SERPING1: variants seen among roughly 807,000 people sequenced by gnomAD.
The protein encoded by SERPING1 is serpin family G member 1.
SERPING1 carries 5 observed loss-of-function variants against 34.1 expected under a neutral mutation model. The ratio of observed to expected loss-of-function variants is 0.15; its 90% CI spans 0.08 to 0.31. The LOEUF is 0.31. SERPING1 is among the 10% of genes least tolerant of loss of function. SERPING1 has a pLI of 1.00. For synonymous variants in SERPING1, 225 were observed against 242.4 expected (o/e 0.93, Z 0.67); for missense variants, 505 against 609.5 (o/e 0.83, Z 1.81).
chr11:57,606,830 T>C, intron 6 of SERPING1: 2 of 639,362 alleles, frequency 3.1e-6, no homozygotes, highest in Non-Finnish European at 5.8e-6. Context: ...ACACATCTGT[T>C]TCTTTTTCCA....
chr11:57,611,604 C>T, intron 6 of SERPING1, 113 bp from the exon 7 acceptor site: 1 of 1,029,648 alleles, frequency 9.7e-7, no homozygotes, highest in Admixed American at 1.7e-5. Context: ...CTGACTGATG[C>T]TTGTTGAAAT....
At chr11:57,608,725 C>A (rs1945440807) in intron 6 of SERPING1, among the ~76,000 whole-genome samples, 1 of 151,464 alleles carries the variant, frequency 6.6e-6, no homozygotes, top group Non-Finnish European at 1.5e-5. Context: ...GTTGGCCAGG[C>A]TGGTCATGAA....
At chr11:57,614,195 A>G (rs913392668) in intron 7 of SERPING1, 133 bp from the exon 8 acceptor site, 1 of 1,165,962 alleles carries the variant, frequency 8.6e-7, no homozygotes, top group South Asian at 1.2e-5. Flanking sequence ...TACAGTATGT[A>G]ATCTGGCAAA....
In SERPING1 at chr11:57,614,699, TC is replaced by T; in HGVS notation, c.*120del. ...CACCTCCTGCCTCAGGTGTCCGCTA[TC>T]CACCAAAAGGGCTCCCTGAGGGTCT... On this transcript the variant is annotated 3_prime_UTR_variant, in exon 8 of 8. Transcript: ENST00000278407. 7.9e-7 allele frequency: 1 copy of T among 1,270,300 alleles called. No homozygotes were observed. The highest frequency in any genetic ancestry group is 1.4e-5 in the South Asian group (1 of 73,760). 78.7% of individuals were successfully genotyped at this position (1,270,300 alleles called of 1,614,324 possible).
intron 6 of SERPING1, among the ~76,000 whole-genome samples, chr11:57,610,726 C>T (rs1430367675): frequency 6.6e-6 from 1 of 152,190 alleles, no homozygotes; most frequent in African/African-American, 2.4e-5. Flanking sequence ...AATTTAGCAT[C>T]TTCCTTAGCT....
chr11:57,602,276 AG>A, intron 4 of SERPING1, 107 bp downstream of exon 4: 3 of 1,344,114 alleles, frequency 2.2e-6, no homozygotes, highest in South Asian at 2.4e-5. Context: ...TTGGAGCTAC[AG>A]TATCAGGGAT....
chr11:57,600,560 G>A (rs935224934), intron 3 of SERPING1, among the ~76,000 whole-genome samples, 183 bp downstream of exon 3: 5 of 152,182 alleles, frequency 3.3e-5, no homozygotes, highest in African/African-American at 1.2e-4. Context: ...TCACAGTGAT[G>A]TAATAGGCAC....
intron 7 of SERPING1, among the ~76,000 whole-genome samples, chr11:57,613,673 T>C (rs1030451479): frequency 2.0e-5 from 3 of 152,166 alleles, no homozygotes; most frequent in African/African-American, 7.2e-5. Flanking sequence ...CCCTGTACTT[T>C]AGGAGAAGTC....
chr11:57,599,713 T>C, intron 2 of SERPING1, 166 bp from the exon 3 acceptor site: 1 of 896,406 alleles, frequency 1.1e-6, no homozygotes, highest in South Asian at 1.5e-5. Context: ...TCTGAGGAAT[T>C]AGTGGTGGTG....
At chr11:57,610,042 G>T (rs985269241) in intron 6 of SERPING1, among the ~76,000 whole-genome samples, 19 of 152,188 alleles carry the variant, frequency 1.2e-4, no homozygotes, top group Non-Finnish European at 2.9e-5. Flanking sequence ...TAAATTTGAA[G>T]GGTGAATTAA....
Position 57,598,259 on chromosome 11 carries a change from G to A in SERPING1, c.-12G>A. On this transcript the variant is annotated 5_prime_UTR_variant, in exon 2 of 8. Transcript: ENST00000278407. ...TGGCTGGCTCCGCAGGTCCGCTGACGTCGCCGCCCAGATGGCCTCCAGGCT... is the reference window on the plus strand; with the variant it reads ...TGGCTGGCTCCGCAGGTCCGCTGACATCGCCGCCCAGATGGCCTCCAGGCT... The A allele has an allele frequency of 1.3e-6, 2 of 1,548,406 alleles. No homozygotes were observed.
chr11:57,602,394 T>C (rs1233189114), intron 4 of SERPING1, among the ~76,000 whole-genome samples: 3 of 152,222 alleles, frequency 2.0e-5, no homozygotes, highest in Non-Finnish European at 4.4e-5. Flanking sequence ...CATCAACTGC[T>C]TTAGAATAAA....
At chr11:57,603,537 ACT>A (rs1259813113) in intron 4 of SERPING1, among the ~76,000 whole-genome samples, 3 of 147,824 alleles carry the variant, frequency 2.0e-5, no homozygotes, top group South Asian at 2.1e-4. Flanking sequence ...ACAGAGCAAG[ACT>A]CTGTCTCAAA....
At position 57,598,352 on chromosome 11, in the gene SERPING1, G is replaced by C. The variant is rs780903287; in HGVS notation, c.51+31G>C. ...TGGTCCCTTGTGGGATGGGGGACGG[G>C]GGTGGAGACGGGAGGCGGGATGGTG... On this transcript the variant is annotated intron_variant, in intron 2 of 7. Transcript: ENST00000278407. 28 of 1,544,956 alleles carry C rather than the reference G, an allele frequency of 1.8e-5. No individual in the cohort carries two copies. In the South Asian group the frequency reaches 3.3e-4, roughly 18 times the overall value.
intron 1 of SERPING1, 100 bp from the exon 2 acceptor site, chr11:57,598,149 G>C (rs745938839): frequency 2.4e-6 from 2 of 850,022 alleles, no homozygotes; most frequent in Non-Finnish European, 3.7e-6. Context: ...TCGCTAAGAG[G>C]GACTGGGGCC....
chr11:57,601,034 A>T (rs1163906600), intron 3 of SERPING1, among the ~76,000 whole-genome samples: 1 of 152,020 alleles, frequency 6.6e-6, no homozygotes, highest in South Asian at 2.1e-4. Flanking sequence ...TGGGCAGATC[A>T]CTTTAACCTC....
chr11:57,601,491 T>C (rs1208256083), intron 3 of SERPING1, among the ~76,000 whole-genome samples: 2 of 151,422 alleles, frequency 1.3e-5, no homozygotes, highest in East Asian at 3.9e-4. Flanking sequence ...TACTGTCAAG[T>C]CCCATTTGGT....
rs751621261 is a variant in SERPING1, at chr11:57,599,913, C to G, written c.86C>G (p.Ser29Cys). Residue 29 changes from serine to cysteine, a missense_variant, in exon 3 of 8, where the codon TCC (serine) becomes TGC (cysteine). Ser to Cys is a moderately radical substitution (Grantham distance 112, BLOSUM62 -1). Coordinates refer to ENST00000278407, the MANE Select transcript of SERPING1 (RefSeq NM_000062.3). Reference protein sequence around the residue: ...RASSNPNATSSSSQDPESLQD... With the variant: ...RASSNPNATSCSSQDPESLQD... ...TCCTCAAATCCAAATGCTACCAGCT[C>G]CAGCTCCCAGGATCCAGAGAGTTTG... is the stretch of plus-strand genomic sequence containing the variant. 1.9e-6 allele frequency: 3 copies of G among 1,614,170 alleles called. No homozygotes were observed. Among genetic ancestry groups the G allele is most frequent in the Non-Finnish European group, 2.5e-6 (3 of 1,180,034 alleles).
intron 6 of SERPING1, 154 bp downstream of exon 6, chr11:57,606,701 C>T (rs1207012808): frequency 2.3e-6 from 2 of 875,718 alleles, no homozygotes; most frequent in East Asian, 4.9e-5. Flanking sequence ...TCTCCTTCTC[C>T]TTTCTCTAGC....
Sources: allele counts gnomAD v4.1 joint callset (sites outside exome capture counted in the v4.1 genomes callset), GRCh38; gene constraint gnomAD v4.1.1; transcripts MANE v1.5; gene names NCBI Gene and HGNC (gene_info 2026-07-23, HGNC 2026-07-21).